The following CCDC192 variants were observed in gnomAD, a reference collection of about 807,000 sequenced individuals.
The protein encoded by CCDC192 is coiled-coil domain containing 192, also known as coiled-coil domain-containing protein 192.
rs1757213177 is a variant in CCDC192, at chr5:127,797,240, T to C, written c.354+6T>C. On this transcript the variant is annotated splice_donor_region_variant and intron_variant, in intron 4 of 6. Transcript: ENST00000514853. ...TGGTTCTTGTGAAAGACCAGGTATG[T>C]TGTAGAACAAAGTCATCTTTATTTT... 1 of 397,684 alleles carries C rather than the reference T, an allele frequency of 2.5e-6. No homozygotes were observed. The highest frequency in any genetic ancestry group is 1.3e-4 in the South Asian group (1 of 7,858). The allele number at this position is 397,684 out of a possible 1,614,324, so 24.6% of individuals were successfully genotyped here. A position where few individuals can be genotyped will look rare whatever the true frequency, so the allele number is the denominator to read the frequency against.
chr5:127,780,987 A>C (rs1476557252), intron 3 of CCDC192, among the ~76,000 whole-genome samples: 1 of 152,182 alleles, frequency 6.6e-6, no homozygotes, highest in East Asian at 1.9e-4. Context: ...TCCTTAATCC[A>C]TCTTGAGTTG....
chr5:127,774,466 A>G (rs1246845312), intron 3 of CCDC192, among the ~76,000 whole-genome samples: 1 of 152,148 alleles, frequency 6.6e-6, no homozygotes, highest in Admixed American at 6.5e-5. Flanking sequence ...AAGTTCTAAC[A>G]TGTTGGTTAT....
At chr5:127,789,313 C>T (rs1561489378) in intron 3 of CCDC192, among the ~76,000 whole-genome samples, 2 of 152,250 alleles carry the variant, frequency 1.3e-5, no homozygotes, top group East Asian at 1.9e-4. Flanking sequence ...GAGAAATCCT[C>T]CCTCTTATTC....
At chr5:127,746,749 G>A (rs892112929) in intron 2 of CCDC192, among the ~76,000 whole-genome samples, 1 of 151,996 alleles carries the variant, frequency 6.6e-6, no homozygotes, top group African/African-American at 2.4e-5. Context: ...AACTTTTGAG[G>A]GTGAGTATGC....
chr5:127,899,174 A>C (rs986705907), intron 6 of CCDC192, among the ~76,000 whole-genome samples: 9 of 152,178 alleles, frequency 5.9e-5, no homozygotes, highest in African/African-American at 2.2e-4. Flanking sequence ...TTTTGGGGGG[A>C]GTGAACAGGG....
chr5:127,927,479 T>A (rs1005650984), intron 6 of CCDC192, among the ~76,000 whole-genome samples: 1 of 150,876 alleles, frequency 6.6e-6, no homozygotes, highest in Non-Finnish European at 1.5e-5. Context: ...GGAAAGAGGG[T>A]GAGTACAGAC....
chr5:127,804,419 C>G (rs553681139), intron 5 of CCDC192, among the ~76,000 whole-genome samples: 1 of 152,284 alleles, frequency 6.6e-6, no homozygotes, highest in Admixed American at 6.5e-5. Context: ...ACATTAAATT[C>G]AGGTGAGGAA....
intron 2 of CCDC192, among the ~76,000 whole-genome samples, chr5:127,730,573 A>T (rs1022494627): frequency 2.0e-5 from 3 of 152,144 alleles, no homozygotes; most frequent in Non-Finnish European, 4.4e-5. Flanking sequence ...CAACAAAAAA[A>T]ACTTTAGGCC....
chr5:127,835,572 G>A (rs1749998857), intron 5 of CCDC192, among the ~76,000 whole-genome samples: 2 of 152,148 alleles, frequency 1.3e-5, no homozygotes, highest in African/African-American at 4.8e-5. Flanking sequence ...TCATCACTGG[G>A]TAATTTATAA....
At chr5:127,898,293 G>C (rs552335735) in intron 6 of CCDC192, among the ~76,000 whole-genome samples, 2 of 151,912 alleles carry the variant, frequency 1.3e-5, no homozygotes, top group Non-Finnish European at 2.9e-5. Flanking sequence ...ATTTTTAATA[G>C]AGAGGGAGTT....
intron 3 of CCDC192, among the ~76,000 whole-genome samples, chr5:127,794,260 T>C (rs1296288002): frequency 6.6e-6 from 1 of 152,180 alleles, no homozygotes; most frequent in Non-Finnish European, 1.5e-5. Context: ...AGGGCCTACT[T>C]TGGAGCTGGG....
intron 2 of CCDC192, among the ~76,000 whole-genome samples, chr5:127,723,498 A>G (rs1210111479): frequency 1.3e-5 from 2 of 152,212 alleles, no homozygotes; most frequent in East Asian, 1.9e-4. Context: ...ACTATGTTGA[A>G]TAACAGTGGT....
chr5:127,906,756 A>T (rs1753208027), intron 6 of CCDC192, among the ~76,000 whole-genome samples: 1 of 151,190 alleles, frequency 6.6e-6, no homozygotes, highest in African/African-American at 2.4e-5. Flanking sequence ...ACTGCACTGC[A>T]GCCTGGGCAA....
intron 5 of CCDC192, among the ~76,000 whole-genome samples, chr5:127,836,248 C>T (rs541101966): frequency 9.2e-5 from 14 of 152,206 alleles, no homozygotes; most frequent in African/African-American, 2.4e-4. Flanking sequence ...CTCACATCCA[C>T]GCCACACTGA....
intron 5 of CCDC192, among the ~76,000 whole-genome samples, chr5:127,862,543 C>T (rs1751411664): frequency 1.3e-5 from 2 of 152,154 alleles, no homozygotes; most frequent in African/African-American, 4.8e-5. Context: ...CTTCCCCAAA[C>T]TCTGACTGAG....
chr5:127,786,044 A>T (rs528055089), intron 3 of CCDC192: 2 of 642,762 alleles, frequency 3.1e-6, no homozygotes, highest in Non-Finnish European at 5.7e-6. Flanking sequence ...AGTTTTTTCA[A>T]TTCTCCTAGG....
chr5:127,855,588 A>G lies in CCDC192; in HGVS notation c.412-19950A>G, dbSNP rs1751029507. ...TCTAGAATGGTCAAGCCTTTCCAGA[A>G]GGCCTTCAATTGACTTTGCCCAATC... On this transcript the variant is annotated intron_variant, in intron 5 of 6. Transcript: ENST00000514853. Among the ~76,000 whole-genome samples the G allele has an allele frequency of 3.9e-5, 6 of 152,218 alleles. No homozygotes were observed. The South Asian group carries it at 1.2e-3, about 31-fold the overall frequency.
chr5:127,802,550 T>C (rs1757562236), intron 5 of CCDC192, among the ~76,000 whole-genome samples: 2 of 152,148 alleles, frequency 1.3e-5, no homozygotes, highest in Admixed American at 6.5e-5. Context: ...TCCCCATTCT[T>C]TATCAAGATT....
chr5:127,912,402 T>C (rs952364006), intron 6 of CCDC192, among the ~76,000 whole-genome samples: 1 of 116,954 alleles, frequency 8.6e-6, no homozygotes, highest in Non-Finnish European at 1.7e-5. Context: ...CTAGTGAGAA[T>C]AGATTCCTGG....
Sources: gnomAD v4.1 joint callset for allele counts (sites outside exome capture counted in the v4.1 genomes callset) on GRCh38, gnomAD v4.1.1 for gene constraint, MANE v1.5 for transcripts, NCBI Gene and HGNC (gene_info 2026-07-23, HGNC 2026-07-21) for gene names.